Variants in OR7E24 observed in about 807,000 individuals in gnomAD.
The protein encoded by OR7E24 is olfactory receptor 7E24.
For synonymous variants in OR7E24, 130 were observed against 157.5 expected, an observed-to-expected ratio of 0.83 and a Z score of 1.31; for missense variants, 385 against 410.3, an observed-to-expected ratio of 0.94 and a Z score of 0.53.
chr19:9,234,549 T>G, the OR7E24 span, among the ~76,000 whole-genome samples: 1 of 152,214 alleles, frequency 6.6e-6, no homozygotes, highest in African/African-American at 2.4e-5. Flanking sequence ...GTATTGCATA[T>G]TTCAAAGTAA....
the OR7E24 span, among the ~76,000 whole-genome samples, chr19:9,226,511 A>G: frequency 6.6e-6 from 1 of 152,218 alleles, no homozygotes; most frequent in Non-Finnish European, 1.5e-5. Flanking sequence ...GAAAGGTAAA[A>G]ACACCTTCAA....
chr19:9,208,395 C>T, the OR7E24 span: 1 of 152,096 alleles, frequency 6.6e-6, no homozygotes, highest in African/African-American at 2.4e-5. Flanking sequence ...GAGTTGTCTG[C>T]AAGGGGAATA....
chr19:9,222,837 T>C, the OR7E24 span, among the ~76,000 whole-genome samples: 2 of 152,178 alleles, frequency 1.3e-5, no homozygotes, highest in African/African-American at 2.4e-5. Context: ...CACTACTATA[T>C]TGAGTAGAAG....
the OR7E24 span, among the ~76,000 whole-genome samples, chr19:9,240,598 A>G: frequency 6.6e-6 from 1 of 152,070 alleles, no homozygotes; most frequent in African/African-American, 2.4e-5. Flanking sequence ...CTGTGTTTCT[A>G]TTGGTACCAT....
the OR7E24 span, chr19:9,235,304 A>T: frequency 8.0e-7 from 1 of 1,257,856 alleles, no homozygotes; most frequent in Non-Finnish European, 1.2e-6. Flanking sequence ...TCTGACTCCC[A>T]CCTCCACAGC....
chr19:9,217,316 C>A, the OR7E24 span, among the ~76,000 whole-genome samples: 4 of 151,882 alleles, frequency 2.6e-5, no homozygotes, highest in African/African-American at 9.7e-5. Flanking sequence ...TTCTATAAAT[C>A]AAATCATCCT....
chr19:9,210,288 G>A, the OR7E24 span: 8 of 152,082 alleles, frequency 5.3e-5, no homozygotes, highest in African/African-American at 1.4e-4. Context: ...CTGAGCCATG[G>A]GTGGAATGTG....
chr19:9,243,670 GAC>G (rs1162799436), upstream of OR7E24, among the ~76,000 whole-genome samples: 2 of 152,168 alleles, frequency 1.3e-5, no homozygotes, highest in Non-Finnish European at 2.9e-5. Context: ...CATTGCCTTT[GAC>G]ACAGTTTCCA....
chr19:9,214,006 A>G, the OR7E24 span: 1 of 1,614,114 alleles, frequency 6.2e-7, no homozygotes. Context: ...ACCATGGCGT[A>G]CATCACTGAG....
Position 9,251,031 on chromosome 19 carries a change from T to A in OR7E24, c.-13T>A. On this transcript the variant is annotated 5_prime_UTR_variant, in exon 1 of 1. An upstream start codon of the reference 5' UTR is lost. Coordinates refer to ENST00000456448, the MANE Select transcript of OR7E24 (RefSeq NM_001079935.2). ...TCCAAAATATAGACACAGTGCTAGA[T>A]GCTGGTTTACTTATGTCCTATTTTC... is the stretch of plus-strand genomic sequence containing the variant. 2 of 1,540,136 alleles carry A rather than the reference T, an allele frequency of 1.3e-6. No individual in the cohort carries two copies. The highest frequency in any genetic ancestry group is 2.5e-5 in the South Asian group (2 of 80,488).
At chr19:9,210,025 G>A in the OR7E24 span, 1 of 152,108 alleles carries the variant, frequency 6.6e-6, no homozygotes, top group Non-Finnish European at 1.5e-5. Flanking sequence ...TGTTTGAGGA[G>A]ACATATCAAA....
At chr19:9,214,730 C>A in the OR7E24 span, 22 of 1,613,880 alleles carry the variant, frequency 1.4e-5, no homozygotes, top group East Asian at 4.9e-4. Context: ...GCACCGTGAC[C>A]AGGTACATGG....
At chr19:9,217,230 G>A in the OR7E24 span, among the ~76,000 whole-genome samples, 2 of 152,144 alleles carry the variant, frequency 1.3e-5, no homozygotes, top group South Asian at 4.1e-4. Context: ...CAGTTGAGTG[G>A]GAATGTTGGA....
At chr19:9,210,726 T>C in the OR7E24 span, 1 of 133,884 alleles carries the variant, frequency 7.5e-6, no homozygotes, top group Non-Finnish European at 1.5e-5. Context: ...CAACACAGAG[T>C]CTACACTAGG....
At chr19:9,234,170 G>C in the OR7E24 span, among the ~76,000 whole-genome samples, 4 of 152,178 alleles carry the variant, frequency 2.6e-5, no homozygotes, top group African/African-American at 9.7e-5. Context: ...CCAAGGTGGT[G>C]GGATTACAGG....
At chr19:9,219,945 C>T in the OR7E24 span, among the ~76,000 whole-genome samples, 1 of 152,122 alleles carries the variant, frequency 6.6e-6, no homozygotes, top group Non-Finnish European at 1.5e-5. Flanking sequence ...CATCTCCAAG[C>T]GATGTGACTC....
upstream of OR7E24, among the ~76,000 whole-genome samples, chr19:9,248,665 C>T (rs2066137144): frequency 6.6e-6 from 1 of 152,232 alleles, no homozygotes; most frequent in Non-Finnish European, 1.5e-5. Context: ...CACAGGATCA[C>T]TCAGGGCGCA....
chr19:9,226,780 A>G, the OR7E24 span, among the ~76,000 whole-genome samples: 4 of 152,216 alleles, frequency 2.6e-5, no homozygotes, highest in Non-Finnish European at 5.9e-5. Context: ...AGCCTTTAGA[A>G]GCCAAGACCT....
the OR7E24 span, among the ~76,000 whole-genome samples, chr19:9,231,224 G>A: frequency 6.6e-6 from 1 of 152,076 alleles, no homozygotes; most frequent in African/African-American, 2.4e-5. Context: ...CTCCCGGCCT[G>A]AGAAATGCTA....
Sources: allele counts gnomAD v4.1 joint callset (sites outside exome capture counted in the v4.1 genomes callset), GRCh38; gene constraint gnomAD v4.1.1; transcripts MANE v1.5; gene names NCBI Gene and HGNC (gene_info 2026-07-23, HGNC 2026-07-21).